Variants in SLIT3 observed in about 807,000 individuals in gnomAD.
SLIT3 encodes slit homolog 3 protein.
A neutral mutation model predicts 184.0 loss-of-function variants in SLIT3; 68 were observed. The ratio of observed to expected loss-of-function variants is 0.37; its 90% CI spans 0.30 to 0.45. SLIT3 has a LOEUF of 0.45. SLIT3 is among the 20% of genes least tolerant of loss of function. The pLI, the probability that SLIT3 is intolerant of heterozygous loss-of-function variation, is 1.00. For synonymous variants in SLIT3, 831 were observed against 828.6 expected, an observed-to-expected ratio of 1.00 and a Z score of -0.05; for missense variants, 1,707 against 2,026.0, an observed-to-expected ratio of 0.84 and a Z score of 3.02.
intron 3 of SLIT3, among the ~76,000 whole-genome samples, chr5:169,202,921 C>A (rs189938334): frequency 6.6e-6 from 1 of 152,058 alleles, no homozygotes; most frequent in Non-Finnish European, 1.5e-5. Flanking sequence ...ATGGCCTGAG[C>A]CTGCCTTGCC....
Position 168,848,730 on chromosome 5 carries a change from G to A in SLIT3, c.486-4075C>T, listed in dbSNP as rs1758570025. Reference sequence around the variant, plus strand: ...TCTGACTACTGTATTTTTATACTCTGAGAATATAAACAAGGCAGAAAGGAA... The same window carrying A: ...TCTGACTACTGTATTTTTATACTCTAAGAATATAAACAAGGCAGAAAGGAA... On this transcript the variant is annotated intron_variant, in intron 5 of 35. Transcript: ENST00000519560. Among the ~76,000 whole-genome samples the A allele has an allele frequency of 2.0e-5, 3 of 152,086 alleles. 1 individual carries two copies. Among genetic ancestry groups the A allele is most frequent in the Admixed American group, 2.0e-4 (3 of 15,272 alleles).
chr5:169,167,422 C>T (rs1466409455), intron 4 of SLIT3, among the ~76,000 whole-genome samples: 1 of 151,044 alleles, frequency 6.6e-6, no homozygotes, highest in Non-Finnish European at 1.5e-5. Flanking sequence ...TTACAGGTGC[C>T]CACCACCACA....
At chr5:169,240,021 T>TAA (rs1765340460) in intron 3 of SLIT3, among the ~76,000 whole-genome samples, 1 of 152,068 alleles carries the variant, frequency 6.6e-6, no homozygotes, top group Admixed American at 6.5e-5. Flanking sequence ...TGTGATATGT[T>TAA]CTTCAACTCG....
intron 4 of SLIT3, among the ~76,000 whole-genome samples, chr5:169,041,385 G>A (rs894692632): frequency 1.3e-5 from 2 of 152,188 alleles, no homozygotes; most frequent in African/African-American, 4.8e-5. Flanking sequence ...AGTATGATGA[G>A]TGCCGGATGG....
chr5:169,208,202 G>C (rs1764142600), intron 3 of SLIT3, among the ~76,000 whole-genome samples: 1 of 152,190 alleles, frequency 6.6e-6, no homozygotes, highest in Admixed American at 6.5e-5. Flanking sequence ...TCATTGGGTA[G>C]CTTGATGGGA....
chr5:169,174,021 G>A (rs139838451), intron 4 of SLIT3, among the ~76,000 whole-genome samples: 14 of 152,242 alleles, frequency 9.2e-5, no homozygotes, highest in African/African-American at 3.4e-4. Context: ...TGGTACAAAC[G>A]GTACAGAAGA....
intron 4 of SLIT3, among the ~76,000 whole-genome samples, chr5:168,963,019 G>A (rs996228949): frequency 1.3e-5 from 2 of 152,112 alleles, no homozygotes; most frequent in South Asian, 2.1e-4. Context: ...ATCATACATG[G>A]TCATTATTAC....
At chr5:168,970,197 A>T (rs528566867) in intron 4 of SLIT3, among the ~76,000 whole-genome samples, 1 of 149,390 alleles carries the variant, frequency 6.7e-6, no homozygotes, top group South Asian at 2.1e-4. Context: ...CAAACAAACA[A>T]AAAACAGCAA....
chr5:168,953,320 C>T (rs1762722444), intron 4 of SLIT3, among the ~76,000 whole-genome samples: 1 of 152,196 alleles, frequency 6.6e-6, no homozygotes. Context: ...CCCATCTCAT[C>T]AGTGCCGTTG....
chr5:169,122,366 G>A (rs1474993999), intron 4 of SLIT3, among the ~76,000 whole-genome samples: 1 of 152,228 alleles, frequency 6.6e-6, no homozygotes, highest in Non-Finnish European at 1.5e-5. Context: ...TCTGGGGTCA[G>A]GGATGCTATT....
intron 4 of SLIT3, among the ~76,000 whole-genome samples, chr5:169,014,938 G>A (rs554109089): frequency 1.3e-5 from 2 of 152,220 alleles, no homozygotes; most frequent in Admixed American, 1.3e-4. Flanking sequence ...GTGACAGAGC[G>A]AGACTCCATC....
At chr5:168,961,858 A>G (rs867879722) in intron 4 of SLIT3, among the ~76,000 whole-genome samples, 17 of 148,414 alleles carry the variant, frequency 1.1e-4, no homozygotes, top group South Asian at 4.3e-4. Flanking sequence ...GCATGCACGC[A>G]TGTGTGTGTG....
chr5:168,712,381 G>T, intron 23 of SLIT3, 27 bp from the exon 24 acceptor site: 1 of 1,606,072 alleles, frequency 6.2e-7, no homozygotes. Flanking sequence ...AGGTCGGAAG[G>T]TTAGCATCCA....
chr5:168,755,398 T>TC (rs1754868759), intron 16 of SLIT3, among the ~76,000 whole-genome samples: 2 of 14,834 alleles, frequency 1.3e-4, no homozygotes, highest in East Asian at 2.1e-3. Flanking sequence ...CATTTCTTTC[T>TC]TTCTTTCTTT....
Position 168,673,331 on chromosome 5 carries a change from A to C in SLIT3, c.3687T>G (p.Ser1229Arg). Residue 1229 changes from serine (S) to arginine (R), a missense_variant and splice_region_variant, in exon 33 of 36, where the codon AGT (serine) becomes AGG (arginine). By Grantham distance (110) the Ser-to-Arg change is moderately radical. Coordinates refer to ENST00000519560, the MANE Select transcript of SLIT3 (RefSeq NM_003062.4). ...SLSSPPTTVY[S>R]VETVNDGQFH... is the part of the protein sequence containing the mutation. ...ACTGCCCATCATTCACTGTCTCCAC[A>C]CTGGCCAGTAGAGAAGGGGAGAAAG... The C allele has an allele frequency of 6.2e-7, 1 of 1,613,980 alleles. No homozygotes were observed. Among genetic ancestry groups the C allele is most frequent in the Non-Finnish European group, 8.5e-7 (1 of 1,179,950 alleles).
intron 4 of SLIT3, among the ~76,000 whole-genome samples, chr5:168,963,249 G>T (rs901948814): frequency 2.0e-5 from 3 of 152,196 alleles, no homozygotes; most frequent in African/African-American, 7.2e-5. Flanking sequence ...CTGGCCTACT[G>T]CAACCTCCAT....
At chr5:169,164,697 G>A (rs182694578) in intron 4 of SLIT3, among the ~76,000 whole-genome samples, 7 of 152,314 alleles carry the variant, frequency 4.6e-5, no homozygotes, top group African/African-American at 1.7e-4. Flanking sequence ...TTGTTCTCTA[G>A]GTCCATGGCT....
intron 4 of SLIT3, among the ~76,000 whole-genome samples, chr5:168,911,728 T>C (rs1761260386): frequency 6.6e-6 from 1 of 152,170 alleles, no homozygotes; most frequent in Admixed American, 6.5e-5. Flanking sequence ...GCATAGCAAA[T>C]TCAGGTTCAA....
At chr5:169,106,599 G>A (rs762926621) in intron 4 of SLIT3, among the ~76,000 whole-genome samples, 6 of 152,114 alleles carry the variant, frequency 3.9e-5, no homozygotes, top group Non-Finnish European at 2.9e-5. Context: ...CACCATCTCC[G>A]ACATCCTCCT....
Sources: gnomAD v4.1 joint callset for allele counts (sites outside exome capture counted in the v4.1 genomes callset) on GRCh38, gnomAD v4.1.1 for gene constraint, MANE v1.5 for transcripts, NCBI Gene and HGNC (gene_info 2026-07-23, HGNC 2026-07-21) for gene names.